Variants in DOCK4 observed in about 807,000 individuals in gnomAD.
DOCK4 encodes the protein dedicator of cytokinesis 4.
DOCK4 carries 97 observed loss-of-function variants against 268.1 expected under a neutral mutation model. The observed-to-expected ratio is 0.36, with a 90% CI of 0.31 to 0.43. The LOEUF is 0.43. Ranked by LOEUF, DOCK4 falls within the 20% of genes least tolerant of loss-of-function variation. The pLI is 1.00. For missense variants in DOCK4, 2,145 were observed against 2,455.7 expected, an observed-to-expected ratio of 0.87 and a Z score of 2.67; for synonymous variants, 954 against 887.2, an observed-to-expected ratio of 1.08 and a Z score of -1.34.
At chr7:112,142,542 T>C (rs1441502550) in intron 1 of DOCK4, among the ~76,000 whole-genome samples, 1 of 152,208 alleles carries the variant, frequency 6.6e-6, no homozygotes, top group East Asian at 1.9e-4. Context: ...TTGCTGGGCT[T>C]TTGTATTAGT....
intron 36 of DOCK4, among the ~76,000 whole-genome samples, chr7:111,772,906 G>C (rs1166200555): frequency 6.6e-6 from 1 of 152,210 alleles, no homozygotes; most frequent in Non-Finnish European, 1.5e-5. Context: ...TGGGCGGAAT[G>C]CCAGGTGTGG....
intron 52 of DOCK4, among the ~76,000 whole-genome samples, chr7:111,731,398 C>G (rs1041885966): frequency 3.3e-5 from 5 of 152,162 alleles, no homozygotes; most frequent in African/African-American, 4.8e-5. Context: ...GCTCATCACA[C>G]AAAGGACATG....
chr7:112,183,487 C>T (rs1819231853), intron 1 of DOCK4, among the ~76,000 whole-genome samples: 1 of 152,172 alleles, frequency 6.6e-6, no homozygotes, highest in African/African-American at 2.4e-5. Flanking sequence ...AAACAGTAAA[C>T]ACACTCACTG....
chr7:111,769,499 AGGGACCCCGGGC>A lies in DOCK4; in HGVS notation c.3828+18_3828+29del, dbSNP rs755211323. The stretch of plus-strand genomic sequence containing the variant: ...GGGACATCAACACCATCACCCCAGG[AGGGACCCCGGGC>A]GGGGCAGGGCCACTTACTTTGCCTC... On this transcript the variant is annotated intron_variant, in intron 37 of 52. Transcript: ENST00000428084. 6.2e-7 allele frequency: 1 copy of A among 1,612,352 alleles called. No homozygotes were observed. The highest frequency in any genetic ancestry group is 1.3e-5 in the African/African-American group (1 of 74,988).
intron 41 of DOCK4, among the ~76,000 whole-genome samples, chr7:111,757,444 A>C (rs1309000439): frequency 6.6e-6 from 1 of 152,212 alleles, no homozygotes; most frequent in Non-Finnish European, 1.5e-5. Context: ...AAGCAACTGC[A>C]AGAAGAACTA....
At chr7:112,145,467 G>A (rs1346549345) in intron 1 of DOCK4, among the ~76,000 whole-genome samples, 2 of 152,170 alleles carry the variant, frequency 1.3e-5, no homozygotes, top group Non-Finnish European at 2.9e-5. Context: ...AAGGGCCGCG[G>A]GGCTCGCAGT....
chr7:112,132,255 G>A (rs956598040), intron 1 of DOCK4, among the ~76,000 whole-genome samples: 1 of 152,068 alleles, frequency 6.6e-6, no homozygotes, highest in Admixed American at 6.5e-5. Context: ...TGCTGAAGAG[G>A]TTTAAGTCAC....
rs1481818202 is a variant in DOCK4 at position 111,977,160 on chromosome 7, A to G, written c.673T>C (p.Phe225Leu). The change falls in exon 8 of 53, where the codon TTT becomes CTT. Residue 225 changes from phenylalanine (F) to leucine (L), a missense_variant. Phe to Leu is a conservative substitution (Grantham distance 22). Coordinates refer to ENST00000428084, the MANE Select transcript of DOCK4 (RefSeq NM_001363540.2). ...ATTGGCCGGTTCTCTTTACTGTCAAAGAGTGAGAAGATGACCTCCAGCTCC... is the reference window on the plus strand; with the variant it reads ...ATTGGCCGGTTCTCTTTACTGTCAAGGAGTGAGAAGATGACCTCCAGCTCC... ...GEELEVIFSL[F>L]DSKENRPISE... 1 of 1,613,184 alleles carries G rather than the reference A, an allele frequency of 6.2e-7. No individual in the cohort carries two copies. The highest frequency in any genetic ancestry group is 1.1e-5 in the South Asian group (1 of 90,730).
intron 8 of DOCK4, among the ~76,000 whole-genome samples, chr7:111,966,014 C>T (rs1239573514): frequency 4.2e-5 from 1 of 24,030 alleles, no homozygotes; most frequent in African/African-American, 3.5e-4. Flanking sequence ...CCAACGAGAA[C>T]AAAGACACCA....
At chr7:112,188,109 G>A (rs757193) in intron 1 of DOCK4, among the ~76,000 whole-genome samples, 140,964 of 152,298 alleles carry the variant, frequency 0.93, 65,313 homozygotes, top group Middle Eastern at 0.97. Flanking sequence ...ACAGAACCAA[G>A]TACTATAGGG....
intron 1 of DOCK4, among the ~76,000 whole-genome samples, chr7:112,112,881 A>C (rs1248161335): frequency 6.6e-6 from 1 of 152,074 alleles, no homozygotes; most frequent in Non-Finnish European, 1.5e-5. Context: ...TGCATATTCT[A>C]TTCCAGTTTC....
intron 27 of DOCK4, among the ~76,000 whole-genome samples, chr7:111,817,011 G>C (rs781696764): frequency 3.0e-4 from 45 of 152,120 alleles, no homozygotes; most frequent in Non-Finnish European, 7.4e-5. Flanking sequence ...AAACTCTTTT[G>C]ACCAGTACTC....
intron 30 of DOCK4, among the ~76,000 whole-genome samples, chr7:111,791,662 G>A (rs1296832822): frequency 6.6e-6 from 1 of 152,082 alleles, no homozygotes; most frequent in East Asian, 1.9e-4. Flanking sequence ...TGGCCAGGCT[G>A]GTATCAAACT....
intron 47 of DOCK4, chr7:111,739,856 A>G (rs1224136787): frequency 3.2e-6 from 1 of 314,870 alleles, no homozygotes; most frequent in Non-Finnish European, 6.2e-6. Flanking sequence ...CAAAGCATGA[A>G]TTTGGAAATA....
chr7:111,828,882 GT>G (rs1342032091), intron 26 of DOCK4, among the ~76,000 whole-genome samples: 2 of 124,612 alleles, frequency 1.6e-5, no homozygotes, highest in Non-Finnish European at 3.1e-5. Context: ...ATGTGTGTGT[GT>G]GTGTGTATAT....
chr7:111,783,913 A>G lies in DOCK4; in HGVS notation c.3468T>C (p.Ser1156=). ...KKIERETWRE[S]GVSLIATVTR... ...TTACAGTAGCAATTAATGAAACGCCACTTTCCCGCCATGTTTCCCGCTCAA... is the reference window on the plus strand; with the variant it reads ...TTACAGTAGCAATTAATGAAACGCCGCTTTCCCGCCATGTTTCCCGCTCAA... The change falls in exon 34 of 53, where the codon AGT becomes AGC. Residue 1156 remains serine, a synonymous_variant. Transcript: ENST00000428084. 1 of 1,604,454 alleles carries G rather than the reference A, an allele frequency of 6.2e-7. No individual in the cohort carries two copies. Among genetic ancestry groups the G allele is most frequent in the East Asian group, 2.2e-5 (1 of 44,520 alleles).
rs1299539525 is a variant in DOCK4 at position 111,747,405 on chromosome 7, T to G, written c.4455A>C (p.Leu1485=). ...TCTTCAGCTGCTGATTCTTATTTTCTAGCACTTCAATTGCATTTTCCAGAG... is the reference window on the plus strand; with the variant it reads ...TCTTCAGCTGCTGATTCTTATTTTCGAGCACTTCAATTGCATTTTCCAGAG... The part of the protein sequence containing the change: ...MSPLENAIEV[L]ENKNQQLKTL... Residue 1485 remains leucine, a synonymous_variant, in exon 43 of 53, where the codon CTA becomes CTC. Coordinates refer to ENST00000428084, the MANE Select transcript of DOCK4 (RefSeq NM_001363540.2). 1.2e-6 allele frequency: 2 copies of G among 1,609,908 alleles called. No individual in the cohort carries two copies. Among genetic ancestry groups the G allele is most frequent in the South Asian group, 2.2e-5 (2 of 90,456 alleles).
rs1222600731 is a variant in DOCK4, at chr7:111,735,055, A to T, written c.5418T>A (p.Thr1806=). The T allele has an allele frequency of 1.3e-6, 2 of 1,566,650 alleles. No individual in the cohort carries two copies. The highest frequency in any genetic ancestry group is 2.3e-5 in the South Asian group (2 of 86,226). ...CATTCAAATTCTTCAAATACCCACC[A>T]GTCTGTGTGGGTCTTGGAGGGACAG... ...SPPVPPRPTQ[T]ASPARHTTSV... Residue 1806 remains threonine (T), a splice_region_variant and synonymous_variant, in exon 51 of 53, where the codon ACT becomes ACA. Coordinates refer to ENST00000428084, the MANE Select transcript of DOCK4 (RefSeq NM_001363540.2).
Position 112,003,379 on chromosome 7 carries a change from C to A in DOCK4, c.121+669G>T, listed in dbSNP as rs148400519. On this transcript the variant is annotated intron_variant, in intron 2 of 52. Transcript: ENST00000428084. ...CTCCTACCTGGGTGACAAAGGAAGACCCTGTCTCAAAGAAAAACAAAAAAC... is the reference window on the plus strand; with the variant it reads ...CTCCTACCTGGGTGACAAAGGAAGAACCTGTCTCAAAGAAAAACAAAAAAC... Among the ~76,000 whole-genome samples, 1,366 of 152,062 alleles carry A rather than the reference C, an allele frequency of 9.0e-3. 11 individuals carry two copies. The highest frequency in any genetic ancestry group is 0.031 in the African/African-American group (1,285 of 41,486).
Sources: gnomAD v4.1 joint callset for allele counts (sites outside exome capture counted in the v4.1 genomes callset) on GRCh38, gnomAD v4.1.1 for gene constraint, MANE v1.5 for transcripts, NCBI Gene and HGNC (gene_info 2026-07-23, HGNC 2026-07-21) for gene names.